Variants in SYT16 observed in about 807,000 individuals in gnomAD.
SYT16 encodes synaptotagmin-16.
A neutral mutation model predicts 61.4 loss-of-function variants in SYT16; 42 were observed. The observed-to-expected ratio is 0.68, with a 90% CI of 0.53 to 0.89. The LOEUF (loss-of-function observed/expected upper bound fraction) is 0.89. Among genes scored for constraint, SYT16 ranks in the 40% least tolerant of loss-of-function variants. The probability of loss-of-function intolerance (pLI) is 0.00; values close to 1 mark genes in which losing one functional copy is unlikely to be tolerated. For missense variants in SYT16, 804 were observed against 807.3 expected (o/e 1.00, Z 0.05); for synonymous variants, 314 against 302.3 (o/e 1.04, Z -0.40).
intron 3 of SYT16, among the ~76,000 whole-genome samples, chr14:62,008,779 G>C (rs1187804961): frequency 6.6e-6 from 1 of 151,908 alleles, no homozygotes; most frequent in Non-Finnish European, 1.5e-5. Context: ...ATGTTTTTGA[G>C]TTATGCAGAT....
intron 2 of SYT16, among the ~76,000 whole-genome samples, chr14:61,977,448 T>G (rs2225792): frequency 0.59 from 89,521 of 151,950 alleles, 27,562 homozygotes; most frequent in East Asian, 0.78. Context: ...CAGAAGGAGA[T>G]GGGGAGGCAG....
intron 1 of SYT16, among the ~76,000 whole-genome samples, chr14:61,961,029 A>G (rs968182643): frequency 6.6e-6 from 1 of 152,194 alleles, no homozygotes; most frequent in African/African-American, 2.4e-5. Flanking sequence ...AAGACTGCCT[A>G]TTCAATAAAT....
At chr14:62,075,807 A>C (rs2353776) in intron 5 of SYT16, among the ~76,000 whole-genome samples, 37,750 of 151,980 alleles carry the variant, frequency 0.25, 4,808 homozygotes, top group South Asian at 0.34. Flanking sequence ...CCAAATCTCA[A>C]GTTACGATTA....
intron 1 of SYT16, among the ~76,000 whole-genome samples, chr14:61,816,499 C>A (rs547955728): frequency 6.6e-6 from 1 of 152,094 alleles, no homozygotes; most frequent in East Asian, 1.9e-4. Context: ...CAAATGATGC[C>A]AACTAAAAAA....
intron 1 of SYT16, chr14:61,832,371 C>G: frequency 5.4e-6 from 3 of 554,426 alleles, no homozygotes; most frequent in East Asian, 4.7e-5. Flanking sequence ...AGCCAACATT[C>G]TGCCGCAGCT....
chr14:61,938,026 AAC>A (rs3071213), intron 1 of SYT16, among the ~76,000 whole-genome samples: 15,744 of 135,646 alleles, frequency 0.12, 1,014 homozygotes, highest in Middle Eastern at 0.16. Context: ...CCTACCCCGC[AAC>A]ACACACACAC....
rs201826184 is a variant in SYT16, at chr14:62,082,526, A to G, written c.1434+1252A>G. Among the ~76,000 whole-genome samples the G allele has an allele frequency of 9.8e-5, 15 of 152,296 alleles. No individual in the cohort carries two copies. In the East Asian group the frequency reaches 1.9e-3, roughly 20 times the overall value. ...CCTGGCTCTCTGCTGGATTACTGAA[A>G]TAGCTGCTCAGCGGTGGTCTTTCCA... On this transcript the variant is annotated intron_variant, in intron 6 of 7. Transcript: ENST00000683842.
intron 1 of SYT16, among the ~76,000 whole-genome samples, chr14:61,877,955 A>C (rs2047558522): frequency 6.6e-6 from 1 of 152,344 alleles, no homozygotes; most frequent in Admixed American, 6.5e-5. Flanking sequence ...TCCCAGGCAC[A>C]CAGGCACACA....
chr14:61,932,570 A>G (rs1411161495), intron 1 of SYT16, among the ~76,000 whole-genome samples: 1 of 152,138 alleles, frequency 6.6e-6, no homozygotes, highest in Non-Finnish European at 1.5e-5. Flanking sequence ...ACATGGGGGA[A>G]ACCACCTCCA....
intron 3 of SYT16, among the ~76,000 whole-genome samples, chr14:62,008,429 A>G (rs1595140690): frequency 6.6e-6 from 1 of 152,148 alleles, no homozygotes; most frequent in African/African-American, 2.4e-5. Flanking sequence ...ATAGAGTAAT[A>G]TAACAAAGAG....
intron 1 of SYT16, among the ~76,000 whole-genome samples, chr14:61,853,855 C>G (rs188095201): frequency 1.3e-5 from 2 of 152,106 alleles, no homozygotes; most frequent in African/African-American, 4.8e-5. Flanking sequence ...CTGTGATTAC[C>G]TTTGGAATTA....
At chr14:61,960,374 C>A (rs2051067621) in intron 1 of SYT16, among the ~76,000 whole-genome samples, 1 of 152,122 alleles carries the variant, frequency 6.6e-6, no homozygotes, top group African/African-American at 2.4e-5. Context: ...TCTCTAATTT[C>A]TTTGAGCAGT....
At chr14:61,993,780 G>C (rs1475466190) in intron 2 of SYT16, among the ~76,000 whole-genome samples, 1 of 152,162 alleles carries the variant, frequency 6.6e-6, no homozygotes, top group African/African-American at 2.4e-5. Context: ...GTTCTGGATA[G>C]AATTTATCCA....
At chr14:62,087,890 G>T (rs779391763) in intron 7 of SYT16, among the ~76,000 whole-genome samples, 3 of 152,114 alleles carry the variant, frequency 2.0e-5, no homozygotes, top group Non-Finnish European at 2.9e-5. Flanking sequence ...AGGTAGTGGG[G>T]CCAATAATAG....
intron 4 of SYT16, among the ~76,000 whole-genome samples, chr14:62,074,409 G>A (rs1048075914): frequency 1.3e-5 from 2 of 152,132 alleles, no homozygotes; most frequent in Non-Finnish European, 2.9e-5. Context: ...AATGAGACAT[G>A]GTCACTTGGG....
intron 1 of SYT16, among the ~76,000 whole-genome samples, chr14:61,860,582 A>G (rs539308075): frequency 2.0e-4 from 31 of 152,244 alleles, no homozygotes; most frequent in Middle Eastern, 3.2e-3. Context: ...ACATTGCTGT[A>G]ACATTTTTAT....
chr14:61,850,065 A>G (rs2140269358), intron 1 of SYT16, among the ~76,000 whole-genome samples: 1 of 151,868 alleles, frequency 6.6e-6, no homozygotes, highest in Non-Finnish European at 1.5e-5. Flanking sequence ...TTGACTTTTT[A>G]GTAATAGTCA....
At chr14:61,864,746 T>A (rs2047083763) in intron 1 of SYT16, 3 of 989,528 alleles carry the variant, frequency 3.0e-6, no homozygotes, top group Middle Eastern at 2.2e-4. Context: ...ACTCGCTACC[T>A]GGTTAATGAC....
chr14:61,999,622 G>T (rs1045969710), intron 3 of SYT16, among the ~76,000 whole-genome samples: 2 of 151,304 alleles, frequency 1.3e-5, no homozygotes, highest in African/African-American at 4.8e-5. Flanking sequence ...ATTAATTTCT[G>T]TTATTATTAT....
Sources: allele counts gnomAD v4.1 joint callset (sites outside exome capture counted in the v4.1 genomes callset), GRCh38; gene constraint gnomAD v4.1.1; transcripts MANE v1.5; gene names NCBI Gene and HGNC (gene_info 2026-07-23, HGNC 2026-07-21).